The following BDP1 variants were observed in gnomAD, a reference collection of about 807,000 sequenced individuals.
BDP1 encodes BDP1 general transcription factor IIIB subunit.
Under a neutral mutation model 266.6 loss-of-function variants are expected in BDP1, and 169 were observed. That is an observed-to-expected ratio of 0.63 (90% CI 0.56 to 0.72). The LOEUF is 0.72. BDP1 is among the 30% of genes least tolerant of loss of function. BDP1 has a pLI of 0.00. For synonymous variants in BDP1, 1,090 were observed against 1,022.4 expected, an observed-to-expected ratio of 1.07 and a Z score of -1.26; for missense variants, 3,015 against 3,053.8, an observed-to-expected ratio of 0.99 and a Z score of 0.30.
At chr5:71,551,633 C>G (rs990837011) in intron 34 of BDP1, among the ~76,000 whole-genome samples, 15 of 152,220 alleles carry the variant, frequency 9.9e-5, no homozygotes, top group African/African-American at 2.9e-4. Flanking sequence ...GGCACACCTC[C>G]CAGACGGGGT....
rs1765540558 is a variant in BDP1, at chr5:71,522,372, C to A, written c.5075C>A (p.Ala1692Glu). Residue 1692 changes from alanine to glutamate, a missense_variant, in exon 23 of 39, where the codon GCA becomes GAA. This residue lies in a region of BDP1 where 2,383 missense variants were observed against 2,404.9 expected (regional missense o/e 0.99). Transcript: ENST00000358731. ...FQKAKPNLGR[A>E]HSKKEEPVLE... ...AAGGCTAAGCCAAATTTGGGAAGAG[C>A]ACACAGTAAGAAAGAGGAACCAGTT... 1 of 1,613,680 alleles carries A rather than the reference C, an allele frequency of 6.2e-7. No individual in the cohort carries two copies.
At chr5:71,466,359 A>G in intron 5 of BDP1, 138 bp downstream of exon 5, 1 of 939,202 alleles carries the variant, frequency 1.1e-6, no homozygotes, top group Admixed American at 2.6e-5. Flanking sequence ...AATATTGTAA[A>G]TAGAAAAGTG....
At chr5:71,519,395 T>C (rs1765387121) in intron 22 of BDP1, among the ~76,000 whole-genome samples, 1 of 152,228 alleles carries the variant, frequency 6.6e-6, no homozygotes, top group African/African-American at 2.4e-5. Flanking sequence ...TACTACTGAA[T>C]ACCAGAACTT....
intron 24 of BDP1, 107 bp downstream of exon 24, chr5:71,523,056 C>T: frequency 1.3e-6 from 1 of 757,878 alleles, no homozygotes. Context: ...GTCCATTAGA[C>T]ATGGGTAGAA....
chr5:71,490,918 C>T, intron 10 of BDP1, 66 bp from the exon 11 acceptor site: 1 of 1,513,744 alleles, frequency 6.6e-7, no homozygotes, highest in East Asian at 2.3e-5. Context: ...AGGTAAATTC[C>T]TTTGTGCTCT....
chr5:71,515,999 T>C, intron 20 of BDP1, 62 bp from the exon 21 acceptor site: 1 of 1,230,918 alleles, frequency 8.1e-7, no homozygotes, highest in South Asian at 1.4e-5. Flanking sequence ...TTTACATTTT[T>C]ACATTAGTTT....
In BDP1 at chr5:71,455,754, C is replaced by T; in HGVS notation, c.-124C>T. 3 of 795,490 alleles carry T rather than the reference C, an allele frequency of 3.8e-6. No homozygotes were observed. The highest frequency in any genetic ancestry group is 5.9e-6 in the Non-Finnish European group (3 of 504,468). 49.3% of individuals were successfully genotyped at this position (795,490 alleles called of 1,614,324 possible). A position where few individuals can be genotyped will look rare whatever the true frequency, so the allele number is the denominator to read the frequency against. On this transcript the variant is annotated 5_prime_UTR_variant, in exon 1 of 39. Coordinates refer to ENST00000358731, the MANE Select transcript of BDP1 (RefSeq NM_018429.3). ...GGGGCAGTGAAACTACGGTAGCTGCCCCCTGAGCTGGTGGTGTGGCTTTGT... is the reference window on the plus strand; with the variant it reads ...GGGGCAGTGAAACTACGGTAGCTGCTCCCTGAGCTGGTGGTGTGGCTTTGT...
Position 71,455,975 on chromosome 5 carries a change from C to G in BDP1, c.98C>G (p.Ser33Cys). 6.2e-7 allele frequency: 1 copy of G among 1,613,322 alleles called. No homozygotes were observed. The highest frequency in any genetic ancestry group is 8.5e-7 in the Non-Finnish European group (1 of 1,179,904). The part of the protein sequence containing the change: ...TASNPQRGRE[S>C]PRPPDPATDS... ...TCCAATCCCCAGCGTGGACGGGAGT[C>G]TCCCAGGCCGCCGGATCCTGCCACG... is the stretch of plus-strand genomic sequence containing the variant. The change falls in exon 1 of 39, where the codon TCT becomes TGT. Residue 33 changes from serine to cysteine, a missense_variant. This residue lies in a region of BDP1 where 2,383 missense variants were observed against 2,404.9 expected (regional missense o/e 0.99). Transcript: ENST00000358731.
At chr5:71,569,603 A>C (rs1263636312), downstream of BDP1, among the ~76,000 whole-genome samples, 1 of 149,920 alleles carries the variant, frequency 6.7e-6, no homozygotes, top group African/African-American at 2.5e-5. Flanking sequence ...AAAATTAGCC[A>C]GGTGTGCTAG....
chr5:71,552,168 T>A lies in BDP1; in HGVS notation c.6996-948T>A, dbSNP rs1438031305. On this transcript the variant is annotated intron_variant, in intron 34 of 38. Transcript: ENST00000358731. ...TGGGGCAGCCGGGCAGAGACGCTCC[T>A]CACCTCCCAGACAGGGTCGCGGCCG... Among the ~76,000 whole-genome samples the A allele has an allele frequency of 3.4e-5, 5 of 146,218 alleles. 1 individual carries two copies. The highest frequency in any genetic ancestry group is 1.3e-4 in the African/African-American group (5 of 39,112).
chr5:71,551,102 TTTATTTA>T (rs1742711808), intron 34 of BDP1, among the ~76,000 whole-genome samples: 1 of 7,866 alleles, frequency 1.3e-4, no homozygotes, highest in Non-Finnish European at 4.7e-4. Flanking sequence ...TAGTTGTTTA[TTTATTTA>T]TTTATTTATT....
At chr5:71,521,203 G>C (rs1375585088) in intron 22 of BDP1, among the ~76,000 whole-genome samples, 1 of 147,786 alleles carries the variant, frequency 6.8e-6, no homozygotes, top group South Asian at 2.2e-4. Context: ...AAAAAAAAAA[G>C]ATTAGTTTTT....
At chr5:71,492,482 C>T (rs1052069764) in intron 11 of BDP1, among the ~76,000 whole-genome samples, 6 of 152,048 alleles carry the variant, frequency 3.9e-5, no homozygotes, top group Non-Finnish European at 5.9e-5. Context: ...TTGCATTTCC[C>T]GGATAATTAT....
intron 34 of BDP1, 33 bp downstream of exon 34, chr5:71,549,639 G>T (rs1476954982): frequency 6.4e-6 from 10 of 1,550,600 alleles, no homozygotes; most frequent in Non-Finnish European, 8.8e-6. Context: ...TTTGCTAGGA[G>T]GAAAAGTGAT....
At chr5:71,515,834 ATTTAGCTACTTTAGGCATAT>A (rs1408947656) in intron 20 of BDP1, among the ~76,000 whole-genome samples, 1 of 152,150 alleles carries the variant, frequency 6.6e-6, no homozygotes, top group Non-Finnish European at 1.5e-5. Context: ...CTATCTGTAT[ATTTAGCTACTTTAGGCATAT>A]TATATAAGTT....
intron 7 of BDP1, chr5:71,476,198 T>G (rs1762568784): frequency 6.5e-6 from 1 of 153,386 alleles, no homozygotes. Context: ...TTGTGAAGTG[T>G]TAAAACCCCA....
intron 4 of BDP1, 90 bp from the exon 5 acceptor site, chr5:71,466,006 G>A (rs1457180394): frequency 2.1e-5 from 28 of 1,358,192 alleles, no homozygotes; most frequent in Non-Finnish European, 2.5e-5. Flanking sequence ...TAGCTAGAAG[G>A]TTGAGTTTGT....
At chr5:71,484,699 G>T (rs1467282903) in intron 8 of BDP1, among the ~76,000 whole-genome samples, 1 of 152,068 alleles carries the variant, frequency 6.6e-6, no homozygotes, top group Admixed American at 6.5e-5. Context: ...TGTATTTTTT[G>T]ATTACAAGAT....
intron 13 of BDP1, among the ~76,000 whole-genome samples, chr5:71,500,999 A>T (rs1211515799): frequency 6.6e-6 from 1 of 151,426 alleles, no homozygotes; most frequent in African/African-American, 2.4e-5. Flanking sequence ...CAGGAGGCTG[A>T]GGTGGGAGGA....
Sources: gnomAD v4.1 joint callset for allele counts (sites outside exome capture counted in the v4.1 genomes callset) on GRCh38, gnomAD v4.1.1 for gene constraint, gnomAD v4.1.1 regional missense constraint, MANE v1.5 for transcripts, NCBI Gene and HGNC (gene_info 2026-07-23, HGNC 2026-07-21) for gene names.